MIPOL1: variants seen among roughly 807,000 people sequenced by gnomAD.
MIPOL1 encodes the protein mirror-image polydactyly gene 1 protein.
MIPOL1 carries 57 observed loss-of-function variants against 60.9 expected under a neutral mutation model. That is an observed-to-expected ratio of 0.94 (90% confidence interval 0.76 to 1.17). The LOEUF is 1.17. MIPOL1 is among the 50% of genes most tolerant of loss of function. The probability of loss-of-function intolerance (pLI) is 0.00; values close to 1 mark genes in which losing one functional copy is unlikely to be tolerated. For missense variants in MIPOL1, 551 were observed against 511.6 expected, an observed-to-expected ratio of 1.08 and a Z score of -0.74; for synonymous variants, 179 against 168.8, an observed-to-expected ratio of 1.06 and a Z score of -0.47.
At chr14:37,365,521 C>T (rs1024264067) in intron 9 of MIPOL1, among the ~76,000 whole-genome samples, 4 of 152,042 alleles carry the variant, frequency 2.6e-5, no homozygotes, top group Non-Finnish European at 2.9e-5. Context: ...GATTGATTTG[C>T]GTATGTTGAA....
intron 12 of MIPOL1, chr14:37,503,630 G>C (rs1212716192): frequency 2.0e-5 from 3 of 152,028 alleles, no homozygotes; most frequent in African/African-American, 7.2e-5. Context: ...AGGAACAATT[G>C]GAACAAGCCA....
At chr14:37,265,218 G>A (rs144201615) in intron 3 of MIPOL1, 45 of 151,820 alleles carry the variant, frequency 3.0e-4, no homozygotes, top group African/African-American at 1.0e-3. Flanking sequence ...TTGCTACTTC[G>A]CATATCCCTA....
intron 10 of MIPOL1, among the ~76,000 whole-genome samples, chr14:37,395,836 C>T (rs148592733): frequency 5.9e-5 from 9 of 152,128 alleles, no homozygotes; most frequent in Non-Finnish European, 1.2e-4. Context: ...AATAGCTACC[C>T]CTGCTCACTT....
chr14:37,431,849 T>G (rs1282585209), intron 11 of MIPOL1, among the ~76,000 whole-genome samples: 4 of 151,876 alleles, frequency 2.6e-5, no homozygotes, highest in African/African-American at 9.7e-5. Flanking sequence ...CCTCCCAAAG[T>G]GCTGGGATTA....
intron 9 of MIPOL1, among the ~76,000 whole-genome samples, chr14:37,351,415 T>C (rs1201669522): frequency 6.6e-6 from 1 of 151,122 alleles, no homozygotes; most frequent in Non-Finnish European, 1.5e-5. Flanking sequence ...GTCCTTTGGG[T>C]ATATACCCAG....
chr14:37,439,904 G>T (rs1437885497), intron 11 of MIPOL1, among the ~76,000 whole-genome samples: 1 of 152,072 alleles, frequency 6.6e-6, no homozygotes, highest in Non-Finnish European at 1.5e-5. Flanking sequence ...TGTTGCTCAG[G>T]CTGGAGTGCA....
At chr14:37,479,540 G>T (rs1452666683) in intron 11 of MIPOL1, among the ~76,000 whole-genome samples, 1 of 151,974 alleles carries the variant, frequency 6.6e-6, no homozygotes, top group East Asian at 1.9e-4. Context: ...GTAGAGGAAA[G>T]GCACTTCTAA....
intron 9 of MIPOL1, among the ~76,000 whole-genome samples, chr14:37,337,349 TATATA>T (rs1343304411): frequency 0.012 from 462 of 39,534 alleles, 10 homozygotes; most frequent in Non-Finnish European, 0.017. Flanking sequence ...TATATATATA[TATATA>T]TATTTTTTTT....
intron 12 of MIPOL1, among the ~76,000 whole-genome samples, chr14:37,527,401 A>AT (rs1335418592): frequency 3.3e-5 from 5 of 151,922 alleles, no homozygotes; most frequent in African/African-American, 7.2e-5. Flanking sequence ...CCGTTGTGTT[A>AT]TTTTTTTCCA....
At chr14:37,540,126 T>C (rs2153640189) in intron 12 of MIPOL1, among the ~76,000 whole-genome samples, 1 of 152,336 alleles carries the variant, frequency 6.6e-6, no homozygotes, top group Non-Finnish European at 1.5e-5. Flanking sequence ...CTTTATAAAT[T>C]ACCCAGTCTT....
intron 10 of MIPOL1, among the ~76,000 whole-genome samples, chr14:37,382,587 T>A (rs1482756953): frequency 6.6e-6 from 1 of 152,044 alleles, no homozygotes; most frequent in Non-Finnish European, 1.5e-5. Context: ...CCAGTTCATC[T>A]AAAGAACTTT....
intron 9 of MIPOL1, among the ~76,000 whole-genome samples, chr14:37,354,229 C>G (rs1027631701): frequency 2.0e-5 from 3 of 151,712 alleles, no homozygotes; most frequent in Non-Finnish European, 2.9e-5. Flanking sequence ...GAGTGTGATT[C>G]TTAATCCTGA....
intron 10 of MIPOL1, among the ~76,000 whole-genome samples, chr14:37,377,736 A>G (rs1416234715): frequency 2.7e-5 from 3 of 110,974 alleles, no homozygotes; most frequent in African/African-American, 6.8e-5. Flanking sequence ...TTTCTTTCCT[A>G]TTTTTATGCC....
intron 1 of MIPOL1, among the ~76,000 whole-genome samples, chr14:37,231,480 A>G (rs1362241754): frequency 3.3e-5 from 5 of 152,184 alleles, no homozygotes; most frequent in Admixed American, 2.6e-4. Flanking sequence ...ACTGATATTA[A>G]CATACTGACT....
At chr14:37,356,738 G>T (rs1197708294) in intron 9 of MIPOL1, among the ~76,000 whole-genome samples, 1 of 152,092 alleles carries the variant, frequency 6.6e-6, no homozygotes, top group African/African-American at 2.4e-5. Context: ...CGCTTCCCGA[G>T]TGAGGCAATG....
intron 1 of MIPOL1, among the ~76,000 whole-genome samples, chr14:37,200,480 T>A (rs1248429745): frequency 1.3e-5 from 2 of 152,124 alleles, no homozygotes; most frequent in Non-Finnish European, 2.9e-5. Flanking sequence ...TTTTATAAGG[T>A]GTTTATGGAA....
In MIPOL1 at chr14:37,485,152, G is replaced by A. The variant is rs536350852; in HGVS notation, c.1032-14756G>A. ...AATGATGGTTTCCAGCTTCATCCAC[G>A]TCCCTGCAAAGGACATGAACTCATC... On this transcript the variant is annotated intron_variant, in intron 11 of 12. Coordinates refer to ENST00000684589, the MANE Select transcript of MIPOL1 (RefSeq NM_001388067.1). 1.8e-3 allele frequency among the ~76,000 whole-genome samples: 277 copies of A among 152,196 alleles called. 1 individual carries two copies. The highest frequency in any genetic ancestry group is 3.4e-3 in the Middle Eastern group (1 of 294).
At chr14:37,415,819 TA>T (rs2093758823) in intron 10 of MIPOL1, among the ~76,000 whole-genome samples, 1 of 152,134 alleles carries the variant, frequency 6.6e-6, no homozygotes, top group Non-Finnish European at 1.5e-5. Flanking sequence ...ATAGTAATAG[TA>T]GCTACTATAC....
chr14:37,274,680 T>C (rs1237028668), intron 6 of MIPOL1, among the ~76,000 whole-genome samples: 1 of 151,420 alleles, frequency 6.6e-6, no homozygotes, highest in East Asian at 1.9e-4. Flanking sequence ...CTAATCTTTT[T>C]GACACTTATC....
Sources: allele counts gnomAD v4.1 joint callset (sites outside exome capture counted in the v4.1 genomes callset), GRCh38; gene constraint gnomAD v4.1.1; transcripts MANE v1.5; gene names NCBI Gene and HGNC (gene_info 2026-07-23, HGNC 2026-07-21).